NAV2: variants seen among roughly 807,000 people sequenced by gnomAD.
The protein encoded by NAV2 is helicase, APC down-regulated 1.
NAV2 carries 54 observed loss-of-function variants against 223.2 expected under a neutral mutation model. The observed-to-expected ratio is 0.24, with a 90% CI of 0.19 to 0.30. NAV2 has a LOEUF of 0.30. Ranked by LOEUF, NAV2 falls within the 10% of genes least tolerant of loss-of-function variation. NAV2 has a pLI of 1.00. For missense variants in NAV2, 2,806 were observed against 3,147.5 expected, an observed-to-expected ratio of 0.89 and a Z score of 2.60; for synonymous variants, 1,279 against 1,239.3, an observed-to-expected ratio of 1.03 and a Z score of -0.67.
At chr11:19,880,618 C>T (rs552105956) in intron 5 of NAV2, among the ~76,000 whole-genome samples, 1 of 152,142 alleles carries the variant, frequency 6.6e-6, no homozygotes, top group Non-Finnish European at 1.5e-5. Context: ...GGGGCAGTAT[C>T]GCCTAACGGG....
At chr11:19,899,495 T>C (rs1427061658) in intron 6 of NAV2, among the ~76,000 whole-genome samples, 2 of 152,186 alleles carry the variant, frequency 1.3e-5, no homozygotes, top group Admixed American at 6.5e-5. Context: ...TGGGGTGGCC[T>C]GTTTCAGGTT....
intron 1 of NAV2, among the ~76,000 whole-genome samples, chr11:19,529,858 G>A (rs955273582): frequency 6.6e-6 from 1 of 152,184 alleles, no homozygotes; most frequent in Admixed American, 6.5e-5. Context: ...CAGTCAGAAA[G>A]ATAATTTAGA....
intron 4 of NAV2, among the ~76,000 whole-genome samples, chr11:19,872,986 C>T (rs1262664024): frequency 2.0e-5 from 3 of 152,210 alleles, no homozygotes; most frequent in African/African-American, 7.2e-5. Context: ...TTCCCCAGAA[C>T]ACACCACCTG....
In NAV2 at chr11:19,879,869, A is replaced by G; in HGVS notation, c.512A>G (p.Glu171Gly). Residue 171 changes from glutamate (E) to glycine (G), a missense_variant and splice_region_variant, in exon 5 of 38, where the codon GAG becomes GGG. Glu to Gly is a moderately conservative substitution (Grantham distance 98, BLOSUM62 -2). Around this residue, in one of 4 missense-constraint regions of NAV2, gnomAD observed 1,167 missense variants for 1,180.5 expected, o/e 0.99. Transcript: ENST00000349880. ...CAAGAGTCTCTTTATTGTCTTGCAG[A>G]GATCAGGAATGGAAACCTCAAGGCC... ...GINIQGLSAE[E>G]IRNGNLKAIL... 6.2e-7 allele frequency: 1 copy of G among 1,614,022 alleles called. No homozygotes were observed. The highest frequency in any genetic ancestry group is 1.1e-5 in the South Asian group (1 of 91,076).
At chr11:19,817,331 A>G (rs903858477) in intron 1 of NAV2, among the ~76,000 whole-genome samples, 4 of 152,284 alleles carry the variant, frequency 2.6e-5, no homozygotes, top group African/African-American at 4.8e-5. Flanking sequence ...TGAGGATCCC[A>G]TTGGAAATGT....
intron 8 of NAV2, among the ~76,000 whole-genome samples, chr11:19,940,665 A>T (rs1389311030): frequency 6.6e-6 from 1 of 152,222 alleles, no homozygotes; most frequent in African/African-American, 2.4e-5. Context: ...ACAGCATTTT[A>T]ATAGCCACAT....
chr11:19,609,233 A>C (rs569271397), intron 1 of NAV2, among the ~76,000 whole-genome samples: 3 of 152,336 alleles, frequency 2.0e-5, no homozygotes, highest in Non-Finnish European at 2.9e-5. Context: ...TGTTAATTAA[A>C]GATAAGCTGC....
chr11:20,066,458 T>TACA (rs1299250415), intron 20 of NAV2, among the ~76,000 whole-genome samples: 1 of 152,192 alleles, frequency 6.6e-6, no homozygotes, highest in African/African-American at 2.4e-5. Flanking sequence ...TCAGAAGGAA[T>TACA]ACAAACAAAC....
At chr11:19,620,175 G>C (rs566725607) in intron 1 of NAV2, among the ~76,000 whole-genome samples, 3,341 of 152,174 alleles carry the variant, frequency 0.022, 128 homozygotes, top group African/African-American at 0.075. Flanking sequence ...TTGTAGTATA[G>C]TTTGAAGTCA....
chr11:20,061,839 A>G (rs147517563), intron 19 of NAV2, among the ~76,000 whole-genome samples: 2 of 152,164 alleles, frequency 1.3e-5, no homozygotes, highest in South Asian at 4.1e-4. Flanking sequence ...TTTTTTGCAT[A>G]TACAACTGAC....
chr11:19,697,538 G>C (rs952203130), intron 1 of NAV2, among the ~76,000 whole-genome samples: 2 of 151,414 alleles, frequency 1.3e-5, no homozygotes, highest in Non-Finnish European at 2.9e-5. Context: ...TTTTATTATA[G>C]AGGAAAGATT....
intron 1 of NAV2, among the ~76,000 whole-genome samples, chr11:19,515,828 G>A (rs1254631425): frequency 6.6e-6 from 1 of 152,222 alleles, no homozygotes; most frequent in African/African-American, 2.4e-5. Context: ...TGCTTTGAAG[G>A]TAGAGCTGGG....
At chr11:19,723,452 T>A (rs2050936646) in intron 1 of NAV2, among the ~76,000 whole-genome samples, 1 of 152,206 alleles carries the variant, frequency 6.6e-6, no homozygotes, top group African/African-American at 2.4e-5. Context: ...AACCACTGCC[T>A]TCTTTTGCCA....
intron 20 of NAV2, among the ~76,000 whole-genome samples, chr11:20,064,947 T>G (rs1424126519): frequency 6.6e-6 from 1 of 152,120 alleles, no homozygotes; most frequent in Non-Finnish European, 1.5e-5. Flanking sequence ...CTACAATCTC[T>G]GACATTCCAT....
chr11:19,595,301 GCATTGGCA>G (rs2046176401), intron 1 of NAV2, among the ~76,000 whole-genome samples: 1 of 152,174 alleles, frequency 6.6e-6, no homozygotes, highest in Non-Finnish European at 1.5e-5. Flanking sequence ...ACTCAGGAAG[GCATTGGCA>G]CATACAAGGA....
chr11:20,075,178 A>G (rs967839308), intron 22 of NAV2, among the ~76,000 whole-genome samples: 1 of 151,712 alleles, frequency 6.6e-6, no homozygotes, highest in Non-Finnish European at 1.5e-5. Flanking sequence ...TCTTTATTTT[A>G]AAATGCAGAG....
chr11:19,878,138 A>G (rs1331860717), intron 4 of NAV2, among the ~76,000 whole-genome samples: 4 of 152,206 alleles, frequency 2.6e-5, no homozygotes, highest in African/African-American at 7.2e-5. Flanking sequence ...TGACTTGTCC[A>G]CATCAGTCCT....
chr11:20,004,442 C>T (rs114866493), intron 11 of NAV2, among the ~76,000 whole-genome samples: 3 of 152,160 alleles, frequency 2.0e-5, no homozygotes, highest in Admixed American at 2.0e-4. Flanking sequence ...GAGCTTACAG[C>T]ACCCCTAGGA....
At chr11:19,393,870 TAAAAA>T in intron 1 of NAV2, among the ~76,000 whole-genome samples, 1 of 147,750 alleles carries the variant, frequency 6.8e-6, no homozygotes, top group Non-Finnish European at 1.5e-5. Context: ...ACTTCTGTTC[TAAAAA>T]GAGATTTTAT....
Sources: allele counts gnomAD v4.1 joint callset (sites outside exome capture counted in the v4.1 genomes callset), GRCh38; gene constraint gnomAD v4.1.1; regional missense constraint gnomAD v4.1.1; transcripts MANE v1.5; gene names NCBI Gene and HGNC (gene_info 2026-07-23, HGNC 2026-07-21).